VPS41: variants seen among roughly 807,000 people sequenced by gnomAD.
VPS41 encodes VPS41 subunit of HOPS complex.
Under a neutral mutation model 130.9 loss-of-function variants are expected in VPS41, and 85 were observed. The observed-to-expected ratio is 0.65, with a 90% CI of 0.55 to 0.78. The LOEUF (loss-of-function observed/expected upper bound fraction) is 0.78. Ranked by LOEUF, VPS41 falls within the 30% of genes least tolerant of loss-of-function variation. The pLI is 0.00. For missense variants in VPS41, 874 were observed against 1,018.7 expected (o/e 0.86, Z 1.93); for synonymous variants, 335 against 332.9 (o/e 1.01, Z -0.07).
intron 4 of VPS41, among the ~76,000 whole-genome samples, chr7:38,843,760 G>A (rs114333464): frequency 2.3e-3 from 343 of 151,344 alleles, no homozygotes; most frequent in African/African-American, 7.8e-3. Flanking sequence ...CTTTACAGAA[G>A]CTGCTGTTTC....
At chr7:38,793,746 T>C (rs1288441364) in intron 9 of VPS41, among the ~76,000 whole-genome samples, 2 of 152,178 alleles carry the variant, frequency 1.3e-5, no homozygotes, top group Non-Finnish European at 2.9e-5. Flanking sequence ...CTCCTCCAGC[T>C]TTCTGGTGGC....
chr7:38,831,858 G>A (rs962050481), intron 4 of VPS41, among the ~76,000 whole-genome samples: 2 of 152,144 alleles, frequency 1.3e-5, no homozygotes, highest in Non-Finnish European at 2.9e-5. Context: ...GCAAATAAAC[G>A]AAGTTTCCAT....
At chr7:38,807,606 C>T (rs1488778469) in intron 7 of VPS41, among the ~76,000 whole-genome samples, 2 of 152,132 alleles carry the variant, frequency 1.3e-5, no homozygotes, top group East Asian at 1.9e-4. Context: ...AAATCAAGAT[C>T]CTGTGTACAC....
At chr7:38,743,661 C>G (rs758319739) in intron 23 of VPS41, 119 bp from the exon 24 acceptor site, 7 of 1,128,618 alleles carry the variant, frequency 6.2e-6, no homozygotes, top group Non-Finnish European at 6.2e-6. Flanking sequence ...AGGCTATTTT[C>G]TCATGTGACA....
At chr7:38,843,479 G>A (rs759248245) in intron 4 of VPS41, among the ~76,000 whole-genome samples, 2 of 151,460 alleles carry the variant, frequency 1.3e-5, no homozygotes, top group African/African-American at 2.4e-5. Flanking sequence ...TCAGAAGATC[G>A]AGACCATCTT....
Position 38,763,495 on chromosome 7 carries a change from T to C in VPS41, c.1382A>G (p.Tyr461Cys). Residue 461 changes from tyrosine (Y) to cysteine (C), a missense_variant, in exon 17 of 29, where the codon TAT becomes TGT. By Grantham distance (194) the Tyr-to-Cys change is radical. Coordinates refer to ENST00000310301, the MANE Select transcript of VPS41 (RefSeq NM_014396.4). ...RGDPVLKPLI[Y>C]EMILHEFLES... ...CAAAAATTCATGTAAGATCATTTCA[T>C]AGATGAGTGGTTTCAGAACTGGATC... 1.2e-6 allele frequency: 2 copies of C among 1,608,618 alleles called. No individual in the cohort carries two copies. The highest frequency in any genetic ancestry group is 1.1e-5 in the South Asian group (1 of 90,192).
chr7:38,798,005 A>T (rs1230180042), intron 7 of VPS41, among the ~76,000 whole-genome samples: 1 of 152,094 alleles, frequency 6.6e-6, no homozygotes, highest in African/African-American at 2.4e-5. Flanking sequence ...TTCTGACCAT[A>T]CTTAGCCCCA....
intron 25 of VPS41, among the ~76,000 whole-genome samples, chr7:38,737,214 A>G (rs1795786849): frequency 6.6e-6 from 1 of 152,154 alleles, no homozygotes; most frequent in Non-Finnish European, 1.5e-5. Context: ...TCTACTAAAA[A>G]TACAAAAATT....
rs1783949595 is a variant in VPS41, at chr7:38,762,856, A to G, written c.1422+599T>C. ...AAAACATTCAGGAGAAAACATCTAC[A>G]ATCTCTAAGGTTAAGTCATGCTTCT... On this transcript the variant is annotated intron_variant, in intron 17 of 28. Coordinates refer to ENST00000310301, the MANE Select transcript of VPS41 (RefSeq NM_014396.4). Among the ~76,000 whole-genome samples the G allele has an allele frequency of 2.0e-5, 3 of 152,196 alleles. No homozygotes were observed. The South Asian group carries it at 6.2e-4, about 31-fold the overall frequency.
At chr7:38,878,625 C>CT (rs1380219083) in intron 2 of VPS41, among the ~76,000 whole-genome samples, 5 of 152,174 alleles carry the variant, frequency 3.3e-5, no homozygotes, top group East Asian at 1.9e-4. Flanking sequence ...AACACAAAGA[C>CT]TGAGTATTAG....
At position 38,743,429 on chromosome 7, in the gene VPS41, A is replaced by G; in HGVS notation, c.2095T>C (p.Leu699=). ...EQDDGELWED[L]ILYSIDKPPF... ...GGTTTGTCAATGGAATATAAAATCA[A>G]ATCTTCCCACAGCTCTCCATCATCT... The change falls in exon 24 of 29, where the codon TTG becomes CTG. Residue 699 remains leucine, a synonymous_variant. Transcript: ENST00000310301. The G allele has an allele frequency of 1.9e-6, 3 of 1,613,942 alleles. No individual in the cohort carries two copies. The highest frequency in any genetic ancestry group is 2.5e-6 in the Non-Finnish European group (3 of 1,179,874).
chr7:38,838,846 C>G (rs962595003), intron 4 of VPS41, among the ~76,000 whole-genome samples: 1 of 152,178 alleles, frequency 6.6e-6, no homozygotes, highest in Admixed American at 6.5e-5. Context: ...AATTCACGGT[C>G]ATTTCGAAAG....
chr7:38,796,988 T>G, intron 7 of VPS41, 124 bp from the exon 8 acceptor site: 2 of 1,072,026 alleles, frequency 1.9e-6, no homozygotes, highest in South Asian at 2.9e-5. Flanking sequence ...ACGTCTTTAA[T>G]GTAGACTTAC....
chr7:38,900,982 T>C (rs1185160352), intron 1 of VPS41, among the ~76,000 whole-genome samples: 3 of 152,238 alleles, frequency 2.0e-5, no homozygotes, highest in African/African-American at 7.2e-5. Context: ...CCAAGAAGGC[T>C]GAACTTTGAG....
intron 14 of VPS41, among the ~76,000 whole-genome samples, chr7:38,767,993 T>C (rs1784080136): frequency 6.6e-6 from 1 of 152,168 alleles, no homozygotes; most frequent in Non-Finnish European, 1.5e-5. Flanking sequence ...AGCTACCTAC[T>C]TCTTCTACCC....
intron 5 of VPS41, among the ~76,000 whole-genome samples, chr7:38,822,008 C>T (rs1785181902): frequency 6.6e-6 from 1 of 151,994 alleles, no homozygotes; most frequent in Non-Finnish European, 1.5e-5. Flanking sequence ...CCATGTAGAT[C>T]AGTGTGGTAA....
At chr7:38,856,305 C>T (rs1238529126) in intron 4 of VPS41, among the ~76,000 whole-genome samples, 1 of 151,986 alleles carries the variant, frequency 6.6e-6, no homozygotes, top group Non-Finnish European at 1.5e-5. Flanking sequence ...ATGCCTGGCC[C>T]TCATCTAAAT....
At chr7:38,764,412 G>C (rs1018018592) in intron 16 of VPS41, among the ~76,000 whole-genome samples, 2 of 152,190 alleles carry the variant, frequency 1.3e-5, no homozygotes, top group African/African-American at 2.4e-5. Flanking sequence ...GGAAGGGGAG[G>C]TGGGGTCTTG....
At chr7:38,776,237 C>T (rs924734637) in intron 11 of VPS41, among the ~76,000 whole-genome samples, 2 of 152,200 alleles carry the variant, frequency 1.3e-5, no homozygotes, top group Admixed American at 6.5e-5. Context: ...CTTAGAATCA[C>T]CAGCCCACTA....
Sources: gnomAD v4.1 joint callset for allele counts (sites outside exome capture counted in the v4.1 genomes callset) on GRCh38, gnomAD v4.1.1 for gene constraint, MANE v1.5 for transcripts, NCBI Gene and HGNC (gene_info 2026-07-23, HGNC 2026-07-21) for gene names.